The following EEPD1 variants were observed in gnomAD, a reference collection of about 807,000 sequenced individuals.
EEPD1 encodes the protein endonuclease/exonuclease/phosphatase family domain containing 1.
EEPD1 carries 17 observed loss-of-function variants against 46.3 expected under a neutral mutation model. That is an observed-to-expected ratio of 0.37 (90% CI 0.25 to 0.55). The LOEUF (loss-of-function observed/expected upper bound fraction) is 0.55. Among genes scored for constraint, EEPD1 ranks in the 20% least tolerant of loss-of-function variants. The probability of loss-of-function intolerance (pLI) is 0.83; values close to 1 mark genes in which losing one functional copy is unlikely to be tolerated. For missense variants in EEPD1, 673 were observed against 745.6 expected, an observed-to-expected ratio of 0.90 and a Z score of 1.13; for synonymous variants, 313 against 315.6, an observed-to-expected ratio of 0.99 and a Z score of 0.09.
intron 2 of EEPD1, among the ~76,000 whole-genome samples, chr7:36,215,373 C>T (rs148248562): frequency 7.0e-4 from 107 of 152,310 alleles, no homozygotes; most frequent in African/African-American, 2.4e-3. Flanking sequence ...AGGGGCCCAA[C>T]CTTTTAACTG....
At chr7:36,244,818 G>A (rs1421571420) in intron 3 of EEPD1, among the ~76,000 whole-genome samples, 1 of 146,818 alleles carries the variant, frequency 6.8e-6, no homozygotes, top group East Asian at 2.0e-4. Flanking sequence ...TGTTGCCCAG[G>A]CTGGAGTGCA....
chr7:36,215,251 C>T (rs1786009668), intron 2 of EEPD1, among the ~76,000 whole-genome samples: 1 of 152,236 alleles, frequency 6.6e-6, no homozygotes, highest in African/African-American at 2.4e-5. Flanking sequence ...TGCACCAGGG[C>T]AGTAGGCGCC....
At chr7:36,251,721 C>G (rs1231104910) in intron 3 of EEPD1, among the ~76,000 whole-genome samples, 1 of 152,210 alleles carries the variant, frequency 6.6e-6, no homozygotes, top group Non-Finnish European at 1.5e-5. Flanking sequence ...GTTCATCTAA[C>G]AAATCATAGC....
chr7:36,293,838 T>A (rs1787484307), intron 6 of EEPD1, among the ~76,000 whole-genome samples: 2 of 151,778 alleles, frequency 1.3e-5, no homozygotes, highest in South Asian at 4.2e-4. Context: ...GTGGCACACA[T>A]CTGTAATCCC....
chr7:36,235,161 T>C (rs1248961574), intron 2 of EEPD1, among the ~76,000 whole-genome samples: 45 of 80,748 alleles, frequency 5.6e-4, no homozygotes, highest in East Asian at 7.8e-4. Context: ...AGGCCTCCCC[T>C]ACAGCCTCCA....
chr7:36,203,543 A>G (rs1051665068), intron 2 of EEPD1, among the ~76,000 whole-genome samples: 1 of 152,198 alleles, frequency 6.6e-6, no homozygotes, highest in African/African-American at 2.4e-5. Context: ...AAAGGTAATT[A>G]GCTGTTATGG....
At chr7:36,258,640 A>T (rs1562704411) in intron 3 of EEPD1, among the ~76,000 whole-genome samples, 1 of 151,922 alleles carries the variant, frequency 6.6e-6, no homozygotes, top group Non-Finnish European at 1.5e-5. Flanking sequence ...GGGAAAGCCT[A>T]CTCAAGCCTC....
intron 3 of EEPD1, among the ~76,000 whole-genome samples, chr7:36,267,936 A>C (rs1382394426): frequency 6.6e-6 from 1 of 152,328 alleles, no homozygotes. Context: ...ATGCGAGGAC[A>C]CAGGAAGAAG....
In EEPD1 at chr7:36,284,553, G is replaced by A. The variant is rs983997327; in HGVS notation, c.1042-133G>A. 3.6e-6 allele frequency: 4 copies of A among 1,126,464 alleles called. No homozygotes were observed. The East Asian group carries it at 1.1e-4, about 32-fold the overall frequency. 69.8% of individuals were successfully genotyped at this position (1,126,464 alleles called of 1,614,324 possible). On this transcript the variant is annotated intron_variant, in intron 4 of 7. Coordinates refer to ENST00000242108, the MANE Select transcript of EEPD1 (RefSeq NM_030636.3). ...GGAGAGTGGCTGTGGCTTTCGTGGT[G>A]TGCTTTTGGTTTAGAAACAGCTTGA...
rs540382629 is a variant in EEPD1, at chr7:36,178,231, G to A, written c.878+23029G>A. 3.6e-4 allele frequency among the ~76,000 whole-genome samples: 55 copies of A among 150,958 alleles called. 1 individual carries two copies. In the South Asian group the frequency reaches 8.5e-3, roughly 23 times the overall value. Reference sequence around the variant, plus strand: ...TGTCATCACCACAACTGCCATCCCCGCGGTTACTGTTCACTGTCACTTTCT... The same window carrying A: ...TGTCATCACCACAACTGCCATCCCCACGGTTACTGTTCACTGTCACTTTCT... On this transcript the variant is annotated intron_variant, in intron 2 of 7. Coordinates refer to ENST00000242108, the MANE Select transcript of EEPD1 (RefSeq NM_030636.3).
chr7:36,199,484 G>A (rs564461472), intron 2 of EEPD1, among the ~76,000 whole-genome samples: 2 of 152,218 alleles, frequency 1.3e-5, no homozygotes, highest in South Asian at 2.1e-4. Context: ...TGGGAATGAG[G>A]CCTCATGTCC....
rs962693039 is a variant in EEPD1, at chr7:36,244,528, G to A, written c.930+5492G>A. Among the ~76,000 whole-genome samples, 7 of 152,266 alleles carry A rather than the reference G, an allele frequency of 4.6e-5. No homozygotes were observed. The East Asian group carries it at 1.4e-3, about 29-fold the overall frequency. Reference sequence around the variant, plus strand: ...CCTAAACATTACTTGGTTTTAGGTAGACAGCCTTCCCATTTTTAGACGTGC... The same window carrying A: ...CCTAAACATTACTTGGTTTTAGGTAAACAGCCTTCCCATTTTTAGACGTGC... On this transcript the variant is annotated intron_variant, in intron 3 of 7. Coordinates refer to ENST00000242108, the MANE Select transcript of EEPD1 (RefSeq NM_030636.3).
intron 6 of EEPD1, among the ~76,000 whole-genome samples, chr7:36,290,222 C>G (rs150365766): frequency 6.6e-6 from 1 of 152,192 alleles, no homozygotes; most frequent in African/African-American, 2.4e-5. Context: ...ACCATCCCCC[C>G]ACCCCACCCC....
chr7:36,198,374 G>A (rs1352937527), intron 2 of EEPD1, among the ~76,000 whole-genome samples: 5 of 47,230 alleles, frequency 1.1e-4, no homozygotes, highest in African/African-American at 1.5e-4. Context: ...ATATTTTCCT[G>A]AAAAACTAAA....
At chr7:36,269,330 ACT>A (rs921602598) in intron 3 of EEPD1, among the ~76,000 whole-genome samples, 2 of 151,838 alleles carry the variant, frequency 1.3e-5, no homozygotes, top group African/African-American at 4.8e-5. Flanking sequence ...ATTTATGAAG[ACT>A]CTTGTCTTGT....
At chr7:36,235,274 T>C (rs1786413403) in intron 2 of EEPD1, among the ~76,000 whole-genome samples, 2 of 152,148 alleles carry the variant, frequency 1.3e-5, no homozygotes, top group South Asian at 4.1e-4. Flanking sequence ...CCATGAACAC[T>C]TCAAAAGCAA....
At chr7:36,202,414 G>A (rs79705419) in intron 2 of EEPD1, among the ~76,000 whole-genome samples, 8,412 of 152,072 alleles carry the variant, frequency 0.055, 315 homozygotes, top group South Asian at 0.088. Flanking sequence ...CATCCTGTTC[G>A]CTAGCCGGGG....
chr7:36,296,101 C>T (rs1044023711), intron 6 of EEPD1, among the ~76,000 whole-genome samples: 1 of 144,718 alleles, frequency 6.9e-6, no homozygotes, highest in Non-Finnish European at 1.5e-5. Flanking sequence ...CTACTGGGAA[C>T]AGCCTTAAAA....
chr7:36,270,994 TA>T (rs773585901), intron 3 of EEPD1, among the ~76,000 whole-genome samples: 62 of 63,484 alleles, frequency 9.8e-4, no homozygotes, highest in South Asian at 5.8e-3. Context: ...TTATTATTAT[TA>T]TTTTTTTTTG....
Sources: allele counts gnomAD v4.1 joint callset (sites outside exome capture counted in the v4.1 genomes callset), GRCh38; gene constraint gnomAD v4.1.1; transcripts MANE v1.5; gene names NCBI Gene and HGNC (gene_info 2026-07-23, HGNC 2026-07-21).